Variants in TMCC1 observed in about 807,000 individuals in gnomAD.
The protein encoded by TMCC1 is transmembrane and coiled-coil domain family 1.
A neutral mutation model predicts 52.4 loss-of-function variants in TMCC1; 15 were observed. The ratio of observed to expected loss-of-function variants is 0.29; its 90% confidence interval spans 0.19 to 0.44. TMCC1 has a LOEUF of 0.44. Ranked by LOEUF, TMCC1 falls within the 20% of genes least tolerant of loss-of-function variation. TMCC1 has a pLI of 1.00. For synonymous variants in TMCC1, 279 were observed against 301.9 expected (o/e 0.92, Z 0.79); for missense variants, 503 against 806.0 (o/e 0.62, Z 4.55).
chr3:129,754,540 G>C (rs1403820375), intron 4 of TMCC1, among the ~76,000 whole-genome samples: 2 of 152,092 alleles, frequency 1.3e-5, no homozygotes, highest in Admixed American at 6.6e-5. Flanking sequence ...ATACAATAGA[G>C]AGTCTTAAAA....
intron 4 of TMCC1, among the ~76,000 whole-genome samples, chr3:129,700,012 C>A (rs1210289488): frequency 1.3e-5 from 2 of 152,132 alleles, no homozygotes; most frequent in Non-Finnish European, 2.9e-5. Flanking sequence ...TTTCACACTT[C>A]TCATCATTGA....
At chr3:129,800,675 C>T (rs2057131062) in intron 4 of TMCC1, among the ~76,000 whole-genome samples, 1 of 151,648 alleles carries the variant, frequency 6.6e-6, no homozygotes, top group African/African-American at 2.4e-5. Context: ...TCTGAGTATT[C>T]ATATAACACT....
At chr3:129,890,536 T>C (rs958809731) in intron 1 of TMCC1, among the ~76,000 whole-genome samples, 1 of 152,238 alleles carries the variant, frequency 6.6e-6, no homozygotes, top group African/African-American at 2.4e-5. Flanking sequence ...TGTATTAATG[T>C]AATAGAGGCT....
At chr3:129,816,103 T>A (rs2058082586) in intron 4 of TMCC1, among the ~76,000 whole-genome samples, 2 of 152,098 alleles carry the variant, frequency 1.3e-5, no homozygotes, top group Admixed American at 1.3e-4. Context: ...CTGGGGAGGA[T>A]GTGGAGAAAG....
At chr3:129,661,737 A>C (rs1303476963) in intron 5 of TMCC1, among the ~76,000 whole-genome samples, 3 of 152,042 alleles carry the variant, frequency 2.0e-5, no homozygotes, top group African/African-American at 7.2e-5. Context: ...TGGAAGGCAG[A>C]GGTGCAGTGA....
chr3:129,819,352 G>C (rs2058298305), intron 4 of TMCC1, among the ~76,000 whole-genome samples: 1 of 152,032 alleles, frequency 6.6e-6, no homozygotes, highest in Non-Finnish European at 1.5e-5. Context: ...CAAAGTGCTG[G>C]GATTACAGGT....
At chr3:129,782,986 CAG>C (rs1484799378) in intron 4 of TMCC1, among the ~76,000 whole-genome samples, 66 of 152,314 alleles carry the variant, frequency 4.3e-4, no homozygotes, top group African/African-American at 1.6e-3. Flanking sequence ...AGCTATTTTA[CAG>C]TAGCCTTTTG....
chr3:129,840,326 C>A (rs373090810), intron 2 of TMCC1, among the ~76,000 whole-genome samples: 2,420 of 88,212 alleles, frequency 0.027, 1 homozygote, highest in South Asian at 0.03. Context: ...GAACCTGTCT[C>A]AAAAAAAAAA....
chr3:129,704,690 T>C (rs565294058), intron 4 of TMCC1, among the ~76,000 whole-genome samples: 10 of 152,160 alleles, frequency 6.6e-5, no homozygotes, highest in Non-Finnish European at 1.0e-4. Flanking sequence ...AAGTGCTGGA[T>C]TACAGGTGTG....
chr3:129,730,876 T>C (rs1576612086), intron 4 of TMCC1, among the ~76,000 whole-genome samples: 1 of 152,206 alleles, frequency 6.6e-6, no homozygotes, highest in African/African-American at 2.4e-5. Context: ...TAAAATGAAA[T>C]TTTGTAATTA....
chr3:129,865,316 AT>A (rs113450240), intron 2 of TMCC1, among the ~76,000 whole-genome samples: 2,603 of 139,608 alleles, frequency 0.019, 34 homozygotes, highest in African/African-American at 0.05. Flanking sequence ...ACACCACATC[AT>A]TTTTTTTTTT....
At chr3:129,741,513 T>C (rs2051455593) in intron 4 of TMCC1, among the ~76,000 whole-genome samples, 1 of 152,190 alleles carries the variant, frequency 6.6e-6, no homozygotes, top group South Asian at 2.1e-4. Flanking sequence ...ATATAGATTA[T>C]AATTAGAACT....
At chr3:129,878,704 T>C (rs1231545195) in intron 2 of TMCC1, among the ~76,000 whole-genome samples, 3 of 152,212 alleles carry the variant, frequency 2.0e-5, no homozygotes, top group African/African-American at 7.2e-5. Context: ...CCTATTTTGC[T>C]CAGTGTAAAT....
chr3:129,812,892 G>A (rs191191623), intron 4 of TMCC1, among the ~76,000 whole-genome samples: 280 of 152,164 alleles, frequency 1.8e-3, no homozygotes, highest in African/African-American at 5.7e-3. Flanking sequence ...GCCTACAGAA[G>A]GGGAGAAAAT....
At chr3:129,756,863 T>C (rs966334714) in intron 4 of TMCC1, among the ~76,000 whole-genome samples, 1 of 152,202 alleles carries the variant, frequency 6.6e-6, no homozygotes, top group African/African-American at 2.4e-5. Flanking sequence ...GATTATAAAG[T>C]GGAAGCAAAG....
chr3:129,760,393 G>T (rs1249847266), intron 4 of TMCC1, among the ~76,000 whole-genome samples: 1 of 127,288 alleles, frequency 7.9e-6, no homozygotes. Context: ...GTGCTACCAC[G>T]CCAGGCTAGT....
chr3:129,762,286 C>T lies in TMCC1; in HGVS notation c.576+65517G>A, dbSNP rs76090539. Among the ~76,000 whole-genome samples, 1,492 of 152,086 alleles carry T rather than the reference C, an allele frequency of 9.8e-3. 17 individuals are homozygous for T. Among genetic ancestry groups the T allele is most frequent in the African/African-American group, 0.034 (1,419 of 41,500 alleles). On this transcript the variant is annotated intron_variant, in intron 4 of 6. Transcript: ENST00000393238. ...AACTCCTGGGCTCAATCAATCTACC[C>T]GCCTCGGTTTCCCAAAGTGCTGGGG... is the stretch of plus-strand genomic sequence containing the variant.
At chr3:129,887,151 T>C (rs2061745095) in intron 1 of TMCC1, among the ~76,000 whole-genome samples, 1 of 152,070 alleles carries the variant, frequency 6.6e-6, no homozygotes, top group African/African-American at 2.4e-5. Context: ...CATGTTACAC[T>C]GTGAATGAAC....
Position 129,670,542 on chromosome 3 carries a change from G to A in TMCC1, c.1299C>T (p.Ala433=). 5.0e-6 allele frequency: 8 copies of A among 1,614,198 alleles called. No individual in the cohort carries two copies. Among genetic ancestry groups the A allele is most frequent in the Non-Finnish European group, 6.8e-6 (8 of 1,180,034 alleles). Residue 433 remains alanine, a synonymous_variant, in exon 5 of 7, where the codon GCC becomes GCT. Coordinates refer to ENST00000393238, the MANE Select transcript of TMCC1 (RefSeq NM_001017395.5). Reference sequence around the variant, plus strand: ...CAGCGATGCCCCCTGTGGTGCTGTTGGCTCCCACTGAGCCTGAAGTGGCAC... The same window carrying A: ...CAGCGATGCCCCCTGTGGTGCTGTTAGCTCCCACTGAGCCTGAAGTGGCAC... ...CSSATSGSVG[A]NSTTGGIAVG... is the part of the protein sequence containing the mutation.
Sources: gnomAD v4.1 joint callset for allele counts (sites outside exome capture counted in the v4.1 genomes callset) on GRCh38, gnomAD v4.1.1 for gene constraint, MANE v1.5 for transcripts, NCBI Gene and HGNC (gene_info 2026-07-23, HGNC 2026-07-21) for gene names.